The following WFDC9 variants were observed in gnomAD, a reference collection of about 807,000 sequenced individuals.
The protein encoded by WFDC9 is WAP four-disulfide core domain 9.
WFDC9 carries 9 observed loss-of-function variants against 9.5 expected under a neutral mutation model. That is an observed-to-expected ratio of 0.95 (90% CI 0.57 to 1.65). WFDC9 has a LOEUF of 1.65. Among genes scored for constraint, WFDC9 ranks in the 40% most tolerant of loss-of-function variants. The pLI is 0.00. For synonymous variants in WFDC9, 33 were observed against 32.3 expected (o/e 1.02, Z -0.07); for missense variants, 87 against 106.7 (o/e 0.82, Z 0.81).
chr20:45,631,084 C>G (rs1982358832), intron 1 of WFDC9, 119 bp downstream of exon 1: 5 of 1,471,252 alleles, frequency 3.4e-6, no homozygotes, highest in Non-Finnish European at 3.6e-6. Context: ...GTGCCCACAT[C>G]CGAAGCACAA....
intron 1 of WFDC9, among the ~76,000 whole-genome samples, chr20:45,622,761 TTA>T (rs1982130422): frequency 6.6e-6 from 1 of 152,198 alleles, no homozygotes; most frequent in Non-Finnish European, 1.5e-5. Context: ...CATATATTAA[TTA>T]TGTCTATTTT....
intron 1 of WFDC9, 129 bp downstream of exon 1, chr20:45,631,074 G>A: frequency 6.7e-7 from 1 of 1,486,824 alleles, no homozygotes. Flanking sequence ...ATCCAAGACT[G>A]TGCCCACATC....
At chr20:45,610,481 T>C (rs977205003) in intron 2 of WFDC9, among the ~76,000 whole-genome samples, 2 of 152,218 alleles carry the variant, frequency 1.3e-5, no homozygotes, top group Non-Finnish European at 2.9e-5. Context: ...CCTCAGATTA[T>C]ATAATATGTA....
chr20:45,616,809 G>C (rs532058934), intron 1 of WFDC9, among the ~76,000 whole-genome samples: 10 of 152,270 alleles, frequency 6.6e-5, no homozygotes, highest in Admixed American at 2.6e-4. Flanking sequence ...AAAATATTCA[G>C]TATACCATGC....
intron 1 of WFDC9, among the ~76,000 whole-genome samples, chr20:45,618,215 T>C (rs1982014788): frequency 6.6e-6 from 1 of 152,240 alleles, no homozygotes. Flanking sequence ...TCAGCCTTCA[T>C]AAAATTGAAG....
intron 1 of WFDC9, among the ~76,000 whole-genome samples, chr20:45,628,334 G>C (rs1279868460): frequency 6.6e-6 from 1 of 152,078 alleles, no homozygotes; most frequent in Non-Finnish European, 1.5e-5. Flanking sequence ...CATCTATACT[G>C]AGCTGGTGGA....
intron 1 of WFDC9, among the ~76,000 whole-genome samples, chr20:45,629,106 T>C (rs1320753736): frequency 6.6e-6 from 1 of 152,178 alleles, no homozygotes; most frequent in Non-Finnish European, 1.5e-5. Context: ...TGTGTGTTTA[T>C]GTGTGTTTAA....
chr20:45,625,779 G>A (rs1003577060), intron 1 of WFDC9, among the ~76,000 whole-genome samples: 13 of 138,504 alleles, frequency 9.4e-5, no homozygotes, highest in African/African-American at 1.6e-4. Flanking sequence ...GGCTATCGAC[G>A]CATGGATTTA....
At chr20:45,626,224 A>G (rs1354393987) in intron 1 of WFDC9, among the ~76,000 whole-genome samples, 1 of 151,620 alleles carries the variant, frequency 6.6e-6, no homozygotes, top group East Asian at 1.9e-4. Context: ...AAGTCTTGAA[A>G]CCTGTTCCCT....
chr20:45,613,206 G>A (rs1261388573), intron 2 of WFDC9, among the ~76,000 whole-genome samples: 1 of 152,134 alleles, frequency 6.6e-6, no homozygotes, highest in Non-Finnish European at 1.5e-5. Context: ...TTTATACATA[G>A]GACGATGGGA....
intron 1 of WFDC9, among the ~76,000 whole-genome samples, chr20:45,615,068 TTCTA>T (rs1402811289): frequency 6.6e-6 from 1 of 152,202 alleles, no homozygotes; most frequent in African/African-American, 2.4e-5. Flanking sequence ...CTATTTAACA[TTCTA>T]TCTTTCTCAG....
chr20:45,622,053 G>A (rs1337707614), intron 1 of WFDC9, among the ~76,000 whole-genome samples: 2 of 149,150 alleles, frequency 1.3e-5, no homozygotes, highest in African/African-American at 4.9e-5. Context: ...CCTTCAAGCA[G>A]GCTTTCAAAA....
chr20:45,630,926 T>C, intron 1 of WFDC9: 1 of 1,612,608 alleles, frequency 6.2e-7, no homozygotes, highest in Non-Finnish European at 8.5e-7. Flanking sequence ...ACTATATCTA[T>C]GCAAACACTT....
chr20:45,614,027 G>A (rs1468866938), intron 2 of WFDC9, among the ~76,000 whole-genome samples: 3 of 152,222 alleles, frequency 2.0e-5, no homozygotes, highest in Admixed American at 6.5e-5. Context: ...GATTCCATGA[G>A]GCTGTTTCTT....
chr20:45,609,670 T>C (rs1264587093), intron 3 of WFDC9, among the ~76,000 whole-genome samples: 1 of 152,114 alleles, frequency 6.6e-6, no homozygotes. Context: ...TATTTGTCTT[T>C]TCCATTTTTC....
At chr20:45,609,065 A>G (rs1394026328) in intron 3 of WFDC9, among the ~76,000 whole-genome samples, 1 of 152,204 alleles carries the variant, frequency 6.6e-6, no homozygotes, top group Non-Finnish European at 1.5e-5. Flanking sequence ...CTGACCATAT[A>G]TGACACCAAC....
intron 4 of WFDC9, among the ~76,000 whole-genome samples, chr20:45,608,414 CTGTTGGGTGATA>C (rs971622012): frequency 3.3e-5 from 5 of 152,042 alleles, no homozygotes; most frequent in Non-Finnish European, 7.4e-5. Context: ...GATGTATGAA[CTGTTGGGTGATA>C]TGTTGAGGGA....
chr20:45,629,952 A>G (rs1327375054), intron 1 of WFDC9: 12 of 1,587,340 alleles, frequency 7.6e-6, no homozygotes, highest in Non-Finnish European at 1.0e-5. Flanking sequence ...GGTAGGGGGA[A>G]TGGAGGGCCT....
intron 1 of WFDC9, among the ~76,000 whole-genome samples, chr20:45,628,040 T>A (rs1387229955): frequency 6.6e-6 from 1 of 152,278 alleles, no homozygotes; most frequent in East Asian, 1.9e-4. Flanking sequence ...TACTACTCTA[T>A]CAATAATTTG....
Sources: gnomAD v4.1 joint callset for allele counts (sites outside exome capture counted in the v4.1 genomes callset) on GRCh38, gnomAD v4.1.1 for gene constraint, MANE v1.5 for transcripts, NCBI Gene and HGNC (gene_info 2026-07-23, HGNC 2026-07-21) for gene names.